Variants in GNA14 observed in about 807,000 individuals in gnomAD.
The protein encoded by GNA14 is guanine nucleotide-binding protein subunit alpha-14.
In GNA14, 50 loss-of-function variants were observed where a neutral mutation model predicts 42.0. That is an observed-to-expected ratio of 1.19 (90% confidence interval 0.95 to 1.51). GNA14 has a LOEUF of 1.51. GNA14 is among the 40% of genes most tolerant of loss of function. The pLI, the probability that GNA14 is intolerant of heterozygous loss-of-function variation, is 0.00. For synonymous variants in GNA14, 173 were observed against 163.1 expected, an observed-to-expected ratio of 1.06 and a Z score of -0.46; for missense variants, 473 against 446.2, an observed-to-expected ratio of 1.06 and a Z score of -0.54.
chr9:77,627,953 G>T (rs1216503244), intron 1 of GNA14, among the ~76,000 whole-genome samples: 2 of 152,046 alleles, frequency 1.3e-5, no homozygotes, highest in African/African-American at 4.8e-5. Flanking sequence ...AGTCAAATTG[G>T]CCCTGTTTGC....
intron 2 of GNA14, among the ~76,000 whole-genome samples, chr9:77,494,944 T>C (rs1836847450): frequency 6.6e-6 from 1 of 152,130 alleles, no homozygotes; most frequent in African/African-American, 2.4e-5. Flanking sequence ...AGATTACTGG[T>C]GTGCACCACC....
intron 2 of GNA14, among the ~76,000 whole-genome samples, chr9:77,518,255 T>C (rs1023526586): frequency 6.6e-6 from 1 of 152,144 alleles, no homozygotes; most frequent in Non-Finnish European, 1.5e-5. Flanking sequence ...AAGCCAGCTG[T>C]TGTCCCTTTC....
chr9:77,429,135 C>T, intron 4 of GNA14, 99 bp from the exon 5 acceptor site: 1 of 1,158,922 alleles, frequency 8.6e-7, no homozygotes, highest in South Asian at 1.4e-5. Context: ...CTCTTGGAGT[C>T]CTCAGTAATT....
At chr9:77,626,732 G>C (rs1824018028) in intron 1 of GNA14, among the ~76,000 whole-genome samples, 1 of 152,174 alleles carries the variant, frequency 6.6e-6, no homozygotes, top group South Asian at 2.1e-4. Flanking sequence ...TACAGCTAAA[G>C]CAGTGTTTAG....
Position 77,537,482 on chromosome 9 carries a change from T to C in GNA14, c.125-8229A>G, listed in dbSNP as rs528109526. ...CACACTTTCTTTATCCATCTGTCCATCAATGGACACTTAGGTTGATTCCTT... is the reference window on the plus strand; with the variant it reads ...CACACTTTCTTTATCCATCTGTCCACCAATGGACACTTAGGTTGATTCCTT... On this transcript the variant is annotated intron_variant, in intron 1 of 6. Transcript: ENST00000341700. 1.5e-4 allele frequency among the ~76,000 whole-genome samples: 23 copies of C among 152,362 alleles called. No homozygotes were observed. The South Asian group carries it at 4.8e-3, about 32-fold the overall frequency.
At chr9:77,588,329 A>G (rs1823337298) in intron 1 of GNA14, among the ~76,000 whole-genome samples, 1 of 152,190 alleles carries the variant, frequency 6.6e-6, no homozygotes. Context: ...TTGCAACCAC[A>G]GAACATTAAT....
chr9:77,473,379 C>T (rs1391060764), intron 2 of GNA14, among the ~76,000 whole-genome samples: 2 of 152,054 alleles, frequency 1.3e-5, no homozygotes, highest in Non-Finnish European at 2.9e-5. Flanking sequence ...ATGGTTTAAT[C>T]CAGGAGGTGA....
At chr9:77,646,299 A>C (rs1824350504) in intron 1 of GNA14, among the ~76,000 whole-genome samples, 1 of 152,196 alleles carries the variant, frequency 6.6e-6, no homozygotes. Flanking sequence ...TCTAGGGCTC[A>C]GGCCTTAGAA....
intron 1 of GNA14, among the ~76,000 whole-genome samples, chr9:77,624,251 A>AC (rs1823979213): frequency 6.6e-6 from 1 of 152,202 alleles, no homozygotes. Flanking sequence ...CATCTCTGAA[A>AC]GAAAGGCAGA....
intron 1 of GNA14, among the ~76,000 whole-genome samples, chr9:77,560,960 C>T (rs1302498403): frequency 1.3e-5 from 2 of 152,182 alleles, no homozygotes; most frequent in East Asian, 3.9e-4. Context: ...TTCTAGCTGA[C>T]ATCTAGCTAA....
chr9:77,513,342 T>A (rs1035070134), intron 2 of GNA14, among the ~76,000 whole-genome samples: 2 of 152,256 alleles, frequency 1.3e-5, no homozygotes, highest in African/African-American at 2.4e-5. Flanking sequence ...CTGCTACTTG[T>A]GTGATCTTGG....
chr9:77,583,177 C>T (rs751830444), intron 1 of GNA14, among the ~76,000 whole-genome samples: 9 of 152,146 alleles, frequency 5.9e-5, no homozygotes, highest in Non-Finnish European at 7.4e-5. Flanking sequence ...AATGAGATAA[C>T]GCAGTCTTTG....
rs1405795924 is a variant in GNA14 at position 77,609,444 on chromosome 9, A to G, written c.124+38226T>C. Among the ~76,000 whole-genome samples the G allele has an allele frequency of 2.0e-5, 3 of 152,122 alleles. No homozygotes were observed. In the East Asian group the frequency reaches 5.8e-4, roughly 29 times the overall value. On this transcript the variant is annotated intron_variant, in intron 1 of 6. Coordinates refer to ENST00000341700, the MANE Select transcript of GNA14 (RefSeq NM_004297.4). The stretch of plus-strand genomic sequence containing the variant: ...CTCACCAAAATTGCCTTTAACATCC[A>G]TATTTCTAGCACACACCTCAAAACT...
chr9:77,443,340 G>A (rs1168494361), intron 2 of GNA14, among the ~76,000 whole-genome samples: 1 of 152,048 alleles, frequency 6.6e-6, no homozygotes, highest in African/African-American at 2.4e-5. Context: ...TGGATTTCCA[G>A]CTTCTTTTGA....
chr9:77,598,588 T>G (rs1823502783), intron 1 of GNA14, among the ~76,000 whole-genome samples: 1 of 152,124 alleles, frequency 6.6e-6, no homozygotes, highest in Admixed American at 6.5e-5. Flanking sequence ...CAACTTTCCC[T>G]CAAATCCAGA....
intron 2 of GNA14, among the ~76,000 whole-genome samples, chr9:77,495,216 C>T (rs569029503): frequency 6.6e-6 from 1 of 152,182 alleles, no homozygotes; most frequent in East Asian, 1.9e-4. Context: ...GGCTGCTACA[C>T]AGCGAATGGG....
chr9:77,594,477 A>G (rs1476237432), intron 1 of GNA14, among the ~76,000 whole-genome samples: 2 of 152,198 alleles, frequency 1.3e-5, no homozygotes, highest in Non-Finnish European at 2.9e-5. Context: ...ACAAATCAAA[A>G]TGAGTTTTAC....
At chr9:77,554,168 T>G (rs1822728185) in intron 1 of GNA14, among the ~76,000 whole-genome samples, 1 of 152,198 alleles carries the variant, frequency 6.6e-6, no homozygotes. Context: ...CTGCAAGCAC[T>G]CAGCCAGTGC....
At chr9:77,615,221 T>C (rs1371385218) in intron 1 of GNA14, among the ~76,000 whole-genome samples, 3 of 151,970 alleles carry the variant, frequency 2.0e-5, no homozygotes, top group Non-Finnish European at 4.4e-5. Context: ...GTCTCCAAAT[T>C]AGCCATCAAT....
Sources: gnomAD v4.1 joint callset for allele counts (sites outside exome capture counted in the v4.1 genomes callset) on GRCh38, gnomAD v4.1.1 for gene constraint, MANE v1.5 for transcripts, NCBI Gene and HGNC (gene_info 2026-07-23, HGNC 2026-07-21) for gene names.